The following CYTH3 variants were observed in gnomAD, a reference collection of about 807,000 sequenced individuals.
CYTH3 encodes the protein cytohesin-3.
In CYTH3, 23 loss-of-function variants were observed where a neutral mutation model predicts 55.1. The ratio of observed to expected loss-of-function variants is 0.42; its 90% CI spans 0.30 to 0.59. CYTH3 has a LOEUF of 0.59. Ranked by LOEUF, CYTH3 falls within the 20% of genes least tolerant of loss-of-function variation. The probability of loss-of-function intolerance (pLI) is 0.20; values close to 1 mark genes in which losing one functional copy is unlikely to be tolerated. For synonymous variants in CYTH3, 249 were observed against 194.9 expected (o/e 1.28, Z -2.31); for missense variants, 413 against 524.8 (o/e 0.79, Z 2.08).
intron 4 of CYTH3, among the ~76,000 whole-genome samples, chr7:6,186,369 A>T (rs550104715): frequency 3.3e-5 from 5 of 152,072 alleles, no homozygotes; most frequent in Admixed American, 2.0e-4. Context: ...ACTCAGGTCT[A>T]CCCTTCTTTC....
intron 4 of CYTH3, among the ~76,000 whole-genome samples, chr7:6,184,220 C>T (rs1055915513): frequency 6.6e-6 from 1 of 151,780 alleles, no homozygotes; most frequent in Non-Finnish European, 1.5e-5. Context: ...GTCACCACAC[C>T]CGGCTAATTT....
chr7:6,255,557 G>A (rs867127019), intron 1 of CYTH3, among the ~76,000 whole-genome samples: 8 of 152,190 alleles, frequency 5.3e-5, no homozygotes, highest in South Asian at 4.1e-4. Flanking sequence ...CTGGGCTGAG[G>A]ACCAGAAAGG....
chr7:6,195,620 A>G (rs1034203344), intron 1 of CYTH3, among the ~76,000 whole-genome samples: 2 of 152,062 alleles, frequency 1.3e-5, no homozygotes, highest in Non-Finnish European at 2.9e-5. Flanking sequence ...ACGCCCGGCT[A>G]ATTTTTTGTA....
chr7:6,269,986 T>A (rs563143021), intron 1 of CYTH3, among the ~76,000 whole-genome samples: 1 of 152,354 alleles, frequency 6.6e-6, no homozygotes, highest in East Asian at 1.9e-4. Context: ...AGTTCAACAT[T>A]ATGTACTACA....
Position 6,232,449 on chromosome 7 carries a change from C to A in CYTH3, c.34+40025G>T, listed in dbSNP as rs1318132316. ...TAAGGCTATCGTGACAGGTGGACCA[C>A]ATGGCCTGTAATGATGGACCACTTG... On this transcript the variant is annotated intron_variant, in intron 1 of 12. Transcript: ENST00000350796. Among the ~76,000 whole-genome samples the A allele has an allele frequency of 2.6e-5, 4 of 152,302 alleles. No individual in the cohort carries two copies. The East Asian group carries it at 5.8e-4, about 22-fold the overall frequency.
intron 6 of CYTH3, chr7:6,173,119 T>A: frequency 1.0e-6 from 1 of 968,574 alleles, no homozygotes; most frequent in Non-Finnish European, 1.2e-6. Context: ...CCCACGCGAC[T>A]CAGCCAGGGC....
intron 4 of CYTH3, among the ~76,000 whole-genome samples, chr7:6,186,214 A>C (rs914969760): frequency 8.1e-5 from 12 of 147,430 alleles, no homozygotes; most frequent in Non-Finnish European, 1.8e-4. Flanking sequence ...ACTGCACTCC[A>C]GCCTGGGTGA....
At chr7:6,182,747 T>C (rs1371787287) in intron 4 of CYTH3, among the ~76,000 whole-genome samples, 1 of 152,200 alleles carries the variant, frequency 6.6e-6, no homozygotes, top group Admixed American at 6.5e-5. Context: ...TGAGCTCAAG[T>C]GATCCTCCCA....
Position 6,164,878 on chromosome 7 carries a change from A to C in CYTH3, c.*66T>G, listed in dbSNP as rs1248026694. On this transcript the variant is annotated 3_prime_UTR_variant, in exon 13 of 13. Transcript: ENST00000350796. ...TGCCTCCCTGCCACGCCTTCCGCGG[A>C]GGGGCCGCCCGCGGTGTCTTTCTGC... 1.3e-6 allele frequency: 2 copies of C among 1,570,702 alleles called. No individual in the cohort carries two copies. Among genetic ancestry groups the C allele is most frequent in the Non-Finnish European group, 1.8e-6 (2 of 1,141,360 alleles).
Position 6,169,008 on chromosome 7 carries a change from T to A in CYTH3, c.823+1527A>T, listed in dbSNP as rs80282656. Among the ~76,000 whole-genome samples the A allele has an allele frequency of 0.013, 2,016 of 152,314 alleles. 25 individuals carry two copies. Among genetic ancestry groups the A allele is most frequent in the Middle Eastern group, 0.062 (18 of 292 alleles). ...TCTAGAACACTCGCACAATGTGATT[T>A]GAATCGGGTCTCTCAGGCACCCGAG... On this transcript the variant is annotated intron_variant, in intron 9 of 12. Coordinates refer to ENST00000350796, the MANE Select transcript of CYTH3 (RefSeq NM_004227.4). This position sits in a 1 kb window ranked among gnomAD's most constrained non-coding sequence, Gnocchi z 4.1.
At chr7:6,178,791 C>T (rs752653492) in intron 4 of CYTH3, among the ~76,000 whole-genome samples, 25 of 152,198 alleles carry the variant, frequency 1.6e-4, no homozygotes, top group African/African-American at 6.0e-4. Flanking sequence ...CTGAGGGCTG[C>T]GGCACAGCTG....
intron 1 of CYTH3, among the ~76,000 whole-genome samples, chr7:6,194,653 A>G (rs867795244): frequency 6.6e-6 from 1 of 151,968 alleles, no homozygotes; most frequent in Admixed American, 6.6e-5. Flanking sequence ...ATATGTACCA[A>G]TAACATCAAA....
At position 6,171,331 on chromosome 7, in the gene CYTH3, G is replaced by A; in HGVS notation, c.450-17C>T. The A allele has an allele frequency of 6.2e-7, 1 of 1,612,078 alleles. No homozygotes were observed. The highest frequency in any genetic ancestry group is 8.5e-7 in the Non-Finnish European group (1 of 1,178,332). Reference sequence around the variant, plus strand: ...AAGAACTGCCTGTGGAGACACCAAAGCCATGGGAAGCCGCATCAGAACCAA... The same window carrying A: ...AAGAACTGCCTGTGGAGACACCAAAACCATGGGAAGCCGCATCAGAACCAA... On this transcript the variant is annotated splice_polypyrimidine_tract_variant and intron_variant, in intron 6 of 12. Transcript: ENST00000350796. This position sits in a 1 kb window ranked among gnomAD's most constrained non-coding sequence, Gnocchi z 6.7.
intron 4 of CYTH3, among the ~76,000 whole-genome samples, chr7:6,183,820 C>T (rs1783566090): frequency 6.6e-6 from 1 of 151,490 alleles, no homozygotes; most frequent in Non-Finnish European, 1.5e-5. Context: ...ATCAGTGTTA[C>T]ATGAGGTCCT....
chr7:6,254,338 G>C (rs918352057), intron 1 of CYTH3, among the ~76,000 whole-genome samples: 3 of 152,190 alleles, frequency 2.0e-5, no homozygotes, highest in African/African-American at 7.2e-5. Flanking sequence ...TACTATTTTG[G>C]AACAATATTA....
chr7:6,261,919 A>G (rs1780363221), intron 1 of CYTH3, among the ~76,000 whole-genome samples: 2 of 152,178 alleles, frequency 1.3e-5, no homozygotes, highest in Admixed American at 1.3e-4. Flanking sequence ...AGGCATCCAA[A>G]TATCGGAGTT....
chr7:6,222,348 T>TC (rs998832407), intron 1 of CYTH3, among the ~76,000 whole-genome samples: 6 of 151,860 alleles, frequency 4.0e-5, no homozygotes, highest in Admixed American at 6.6e-5. Flanking sequence ...TGCCTCGTGT[T>TC]CCCCCCCATA....
intron 2 of CYTH3, among the ~76,000 whole-genome samples, chr7:6,188,050 G>A (rs1184361757): frequency 6.6e-6 from 1 of 152,182 alleles, no homozygotes. Context: ...AACCAAGCCA[G>A]GAGCAGTGGC....
intron 1 of CYTH3, among the ~76,000 whole-genome samples, chr7:6,254,039 A>G (rs1780040482): frequency 6.6e-6 from 1 of 151,482 alleles, no homozygotes; most frequent in Non-Finnish European, 1.5e-5. Context: ...AAAGGAGGCC[A>G]GGTGCAGTGG....
Sources: allele counts gnomAD v4.1 joint callset (sites outside exome capture counted in the v4.1 genomes callset), GRCh38; gene constraint gnomAD v4.1.1; non-coding constraint Gnocchi (gnomAD v3.1); transcripts MANE v1.5; gene names NCBI Gene and HGNC (gene_info 2026-07-23, HGNC 2026-07-21).